Variants in KRIT1 observed in about 807,000 individuals in gnomAD.
The protein encoded by KRIT1 is krev interaction trapped protein 1.
KRIT1 carries 45 observed loss-of-function variants against 95.8 expected under a neutral mutation model. That is an observed-to-expected ratio of 0.47 (90% CI 0.37 to 0.60). The LOEUF (loss-of-function observed/expected upper bound fraction) is 0.60, where lower values mean the gene tolerates loss of function less well. Among genes scored for constraint, KRIT1 ranks in the 20% least tolerant of loss-of-function variants. The pLI is 0.00. For missense variants in KRIT1, 788 were observed against 877.5 expected, an observed-to-expected ratio of 0.90 and a Z score of 1.29; for synonymous variants, 282 against 278.8, an observed-to-expected ratio of 1.01 and a Z score of -0.11.
At chr7:92,234,379 AAAG>A (rs1797957191) in intron 10 of KRIT1, 67 bp downstream of exon 10, 2 of 1,209,356 alleles carry the variant, frequency 1.7e-6, no homozygotes, top group Non-Finnish European at 2.4e-6. Flanking sequence ...ACAGTCTTGA[AAAG>A]AAGGACTAAC....
At chr7:92,234,398 T>TA (rs1797963081) in intron 10 of KRIT1, 51 bp downstream of exon 10, 1 of 1,342,806 alleles carries the variant, frequency 7.4e-7, no homozygotes, top group Non-Finnish European at 1.1e-6. Flanking sequence ...CTAACATTTA[T>TA]AATAAAAAAT....
chr7:92,239,957 C>A (rs1275641077), intron 5 of KRIT1, among the ~76,000 whole-genome samples: 1 of 152,018 alleles, frequency 6.6e-6, no homozygotes, highest in South Asian at 2.1e-4. Flanking sequence ...GATCCACCCA[C>A]CTCGGCCTCC....
rs1563239762 is a variant in KRIT1 at position 92,213,179 on chromosome 7, A to G, written c.2025+16T>C. 4 of 1,558,670 alleles carry G rather than the reference A, an allele frequency of 2.6e-6. No homozygotes were observed. The highest frequency in any genetic ancestry group is 2.7e-6 in the Non-Finnish European group (3 of 1,130,316). ...TATTATATGACATGATTGGTAAAAAAGAGCTGAAAATCTACCTTAGTTTCC... is the reference window on the plus strand; with the variant it reads ...TATTATATGACATGATTGGTAAAAAGGAGCTGAAAATCTACCTTAGTTTCC... On this transcript the variant is annotated intron_variant, in intron 17 of 18. Coordinates refer to ENST00000394505, the MANE Select transcript of KRIT1 (RefSeq NM_194454.3).
rs753631870 is a variant in KRIT1, at chr7:92,241,088, G to C, written c.167C>G (p.Thr56Arg). The C allele has an allele frequency of 6.2e-7, 1 of 1,610,674 alleles. No homozygotes were observed. The highest frequency in any genetic ancestry group is 1.1e-5 in the South Asian group (1 of 91,014). ...TATTTCACTGTTGCCTTGAAGTTTC[G>C]TTTCCAATAAAACTTTCTTTCTCTT... is the stretch of plus-strand genomic sequence containing the variant. The part of the protein sequence containing the change: ...KKKRKKVLLE[T>R]KLQGNSEITQ... Residue 56 changes from threonine to arginine, a missense_variant, in exon 5 of 19, where the codon ACG becomes AGG. By Grantham distance (71) the Thr-to-Arg change is moderately conservative. Coordinates refer to ENST00000394505, the MANE Select transcript of KRIT1 (RefSeq NM_194454.3).
intron 13 of KRIT1, among the ~76,000 whole-genome samples, 183 bp downstream of exon 13, chr7:92,222,639 A>G (rs1445643308): frequency 6.6e-6 from 1 of 152,192 alleles, no homozygotes; most frequent in Non-Finnish European, 1.5e-5. Flanking sequence ...TGAAGCAGGG[A>G]ACGGGGTGGG....
At chr7:92,233,409 CT>C (rs35291071) in intron 10 of KRIT1, among the ~76,000 whole-genome samples, 216 of 140,112 alleles carry the variant, frequency 1.5e-3, no homozygotes, top group Admixed American at 1.7e-3. Flanking sequence ...TAATGTGGTA[CT>C]TTTTTTTTTT....
chr7:92,207,246 A>G (rs567728273), intron 17 of KRIT1, among the ~76,000 whole-genome samples: 1 of 152,314 alleles, frequency 6.6e-6, no homozygotes, highest in South Asian at 2.1e-4. Flanking sequence ...AGAGGATTCT[A>G]AAAACCATAA....
chr7:92,240,233 C>T (rs867608440), intron 5 of KRIT1, among the ~76,000 whole-genome samples: 3 of 152,120 alleles, frequency 2.0e-5, no homozygotes, highest in African/African-American at 7.2e-5. Flanking sequence ...TTGGCTGTAT[C>T]TCTGCAACAA....
At chr7:92,225,134 C>T (rs956638051) in intron 12 of KRIT1, among the ~76,000 whole-genome samples, 5 of 151,894 alleles carry the variant, frequency 3.3e-5, no homozygotes, top group Admixed American at 1.3e-4. Flanking sequence ...GCCTGGGTGA[C>T]AGAGCGAGAC....
chr7:92,236,327 T>C, intron 7 of KRIT1, 86 bp downstream of exon 7: 1 of 863,388 alleles, frequency 1.2e-6, no homozygotes, highest in South Asian at 1.5e-5. Flanking sequence ...TATTTTCTTC[T>C]CAAAGTGTCT....
intron 10 of KRIT1, among the ~76,000 whole-genome samples, chr7:92,228,639 T>C (rs980910098): frequency 1.3e-5 from 2 of 152,122 alleles, no homozygotes; most frequent in Non-Finnish European, 2.9e-5. Context: ...GTTTGTTACA[T>C]AGGTAAATTC....
Position 92,200,503 on chromosome 7 carries a change from G to A in KRIT1, c.*233C>T, listed in dbSNP as rs1584688249. The stretch of plus-strand genomic sequence containing the variant: ...CTAGTAGCTAGGATTATAGGCGCCC[G>A]CCACCACACCCAGCTAATTTTTGTA... On this transcript the variant is annotated 3_prime_UTR_variant, in exon 19 of 19. Transcript: ENST00000394505. The A allele has an allele frequency of 2.1e-5, 10 of 469,438 alleles. No homozygotes were observed. Among genetic ancestry groups the A allele is most frequent in the East Asian group, 1.3e-4 (3 of 23,318 alleles). 29.1% of individuals were successfully genotyped at this position (469,438 alleles called of 1,614,324 possible). A position where few individuals can be genotyped will look rare whatever the true frequency, so the allele number is the denominator to read the frequency against.
At chr7:92,225,014 G>A (rs942398378) in intron 12 of KRIT1, among the ~76,000 whole-genome samples, 42 of 152,028 alleles carry the variant, frequency 2.8e-4, no homozygotes, top group African/African-American at 9.2e-4. Context: ...AAAATTAGCC[G>A]GGCGTGGTGG....
intron 16 of KRIT1, 35 bp from the exon 17 acceptor site, chr7:92,213,436 G>C (rs1318279009): frequency 7.2e-7 from 1 of 1,396,108 alleles, no homozygotes; most frequent in Admixed American, 1.7e-5. Flanking sequence ...AAATAAAAGA[G>C]ATATGAAAGG....
At chr7:92,216,004 C>T (rs141325662) in intron 14 of KRIT1, among the ~76,000 whole-genome samples, 226 of 151,972 alleles carry the variant, frequency 1.5e-3, no homozygotes, top group African/African-American at 5.2e-3. Flanking sequence ...CCGAGGTGGG[C>T]GGATCACGAG....
Position 92,240,939 on chromosome 7 carries a change from T to C in KRIT1, c.262+54A>G, listed in dbSNP as rs1344441306. 3.7e-6 allele frequency: 5 copies of C among 1,345,876 alleles called. No homozygotes were observed. In the African/African-American group the frequency reaches 7.2e-5, roughly 19 times the overall value. 83.4% of individuals were successfully genotyped at this position (1,345,876 alleles called of 1,614,324 possible). A position where few individuals can be genotyped will look rare whatever the true frequency, so the allele number is the denominator to read the frequency against. ...TAATATGTGTATATTTTTAAAAGAA[T>C]CTTTCTCCACAAGTATTTTAAACAA... is the stretch of plus-strand genomic sequence containing the variant. On this transcript the variant is annotated intron_variant, in intron 5 of 18. Transcript: ENST00000394505.
At chr7:92,235,056 G>C (rs919795990) in intron 8 of KRIT1, 133 bp from the exon 9 acceptor site, 10 of 664,872 alleles carry the variant, frequency 1.5e-5, no homozygotes, top group Admixed American at 4.4e-5. Context: ...CTGGAGTTCA[G>C]TGCTGCGATC....
intron 17 of KRIT1, chr7:92,205,739 A>G (rs750477478): frequency 2.6e-5 from 4 of 152,220 alleles, no homozygotes; most frequent in Non-Finnish European, 5.9e-5. Context: ...TGTCTCAAAA[A>G]ACAAAACAAA....
At chr7:92,233,293 G>C (rs890161038) in intron 10 of KRIT1, among the ~76,000 whole-genome samples, 1 of 151,752 alleles carries the variant, frequency 6.6e-6, no homozygotes, top group African/African-American at 2.4e-5. Context: ...ATGATCTACT[G>C]CATTTTATAT....
Sources: allele counts gnomAD v4.1 joint callset (sites outside exome capture counted in the v4.1 genomes callset), GRCh38; gene constraint gnomAD v4.1.1; transcripts MANE v1.5; gene names NCBI Gene and HGNC (gene_info 2026-07-23, HGNC 2026-07-21).